Variants in GNAQ observed in about 807,000 individuals in gnomAD.
GNAQ encodes G protein subunit alpha q.
Under a neutral mutation model 43.9 loss-of-function variants are expected in GNAQ, and 8 were observed. The observed-to-expected ratio is 0.18, with a 90% CI of 0.11 to 0.33. GNAQ has a LOEUF of 0.33. Ranked by LOEUF, GNAQ falls within the 10% of genes least tolerant of loss-of-function variation. GNAQ has a pLI of 1.00. For synonymous variants in GNAQ, 155 were observed against 170.7 expected (o/e 0.91, Z 0.71); for missense variants, 158 against 450.8 (o/e 0.35, Z 5.88).
chr9:77,984,013 G>C (rs1420334715), intron 1 of GNAQ, among the ~76,000 whole-genome samples: 2 of 130,182 alleles, frequency 1.5e-5, no homozygotes, highest in Admixed American at 8.9e-5. Context: ...AGTCATCCTG[G>C]GTTTTTGCAG....
chr9:77,759,417 T>A (rs1259316917), intron 5 of GNAQ, among the ~76,000 whole-genome samples: 1 of 21,276 alleles, frequency 4.7e-5, no homozygotes, highest in Non-Finnish European at 1.8e-4. Flanking sequence ...CATAAGGCAT[T>A]TTTTTTCTGG....
chr9:77,753,621 A>G (rs995711365), intron 5 of GNAQ, among the ~76,000 whole-genome samples: 1 of 152,188 alleles, frequency 6.6e-6, no homozygotes, highest in African/African-American at 2.4e-5. Context: ...GATATGATTG[A>G]GGGTGACAGA....
chr9:77,795,298 T>A (rs1198737728), intron 4 of GNAQ, among the ~76,000 whole-genome samples: 1 of 152,220 alleles, frequency 6.6e-6, no homozygotes, highest in African/African-American at 2.4e-5. Context: ...ACATCAATTC[T>A]GTGCTGAATT....
At chr9:77,919,816 T>C (rs1412654628) in intron 2 of GNAQ, among the ~76,000 whole-genome samples, 3 of 152,134 alleles carry the variant, frequency 2.0e-5, no homozygotes, top group Admixed American at 6.6e-5. Flanking sequence ...TATAACTGAA[T>C]AGTATTCAAC....
At chr9:77,768,910 A>G (rs1389632646) in intron 5 of GNAQ, among the ~76,000 whole-genome samples, 1 of 152,180 alleles carries the variant, frequency 6.6e-6, no homozygotes. Context: ...TGAGTAGTAA[A>G]TTCTGAATAA....
At chr9:78,003,895 T>C (rs1823674501) in intron 1 of GNAQ, among the ~76,000 whole-genome samples, 1 of 150,956 alleles carries the variant, frequency 6.6e-6, no homozygotes, top group East Asian at 1.9e-4. Context: ...AAGTAGAAAG[T>C]ACCAACAATC....
intron 1 of GNAQ, among the ~76,000 whole-genome samples, chr9:77,935,040 A>T (rs1829210837): frequency 6.6e-6 from 1 of 152,082 alleles, no homozygotes; most frequent in Admixed American, 6.5e-5. Context: ...CAGGAGAATC[A>T]CTTGAACCCT....
At chr9:77,761,446 G>A (rs1392497302) in intron 5 of GNAQ, among the ~76,000 whole-genome samples, 1 of 135,716 alleles carries the variant, frequency 7.4e-6, no homozygotes, top group African/African-American at 2.8e-5. Flanking sequence ...CCGGGAGGGA[G>A]GTTGGGGGGT....
At chr9:77,948,485 T>C (rs1483714910) in intron 1 of GNAQ, among the ~76,000 whole-genome samples, 1 of 151,788 alleles carries the variant, frequency 6.6e-6, no homozygotes, top group Non-Finnish European at 1.5e-5. Flanking sequence ...GCGGTAGGGA[T>C]GGAAGAGGAC....
intron 6 of GNAQ, among the ~76,000 whole-genome samples, chr9:77,722,688 G>C (rs1348294455): frequency 8.0e-6 from 1 of 124,574 alleles, no homozygotes; most frequent in Admixed American, 9.1e-5. Context: ...ACAGGGTCTT[G>C]CTCTGCTACC....
At chr9:77,750,073 G>A (rs772125694) in intron 5 of GNAQ, among the ~76,000 whole-genome samples, 1 of 151,856 alleles carries the variant, frequency 6.6e-6, no homozygotes, top group African/African-American at 2.4e-5. Context: ...CTGCAGATGT[G>A]CTGATTGGCA....
At chr9:77,859,603 G>T (rs1389750368) in intron 2 of GNAQ, among the ~76,000 whole-genome samples, 1 of 152,178 alleles carries the variant, frequency 6.6e-6, no homozygotes, top group African/African-American at 2.4e-5. Flanking sequence ...CCAACTCTAA[G>T]CCCTGGTAAC....
At chr9:77,897,297 T>C (rs999661861) in intron 2 of GNAQ, among the ~76,000 whole-genome samples, 16 of 152,234 alleles carry the variant, frequency 1.1e-4, no homozygotes, top group Admixed American at 6.5e-4. Flanking sequence ...TTGAATGTTT[T>C]GTAATAATAA....
At chr9:77,951,000 T>C (rs1027763821) in intron 1 of GNAQ, among the ~76,000 whole-genome samples, 1 of 151,868 alleles carries the variant, frequency 6.6e-6, no homozygotes, top group African/African-American at 2.4e-5. Flanking sequence ...AAAAACACTA[T>C]GAGGCCAAGA....
At chr9:77,866,353 T>C (rs1827946697) in intron 2 of GNAQ, among the ~76,000 whole-genome samples, 1 of 152,168 alleles carries the variant, frequency 6.6e-6, no homozygotes, top group African/African-American at 2.4e-5. Context: ...GGCAGGTGCC[T>C]GTAATCCCAG....
chr9:77,961,597 A>AT (rs1376277445), intron 1 of GNAQ, among the ~76,000 whole-genome samples: 3 of 152,226 alleles, frequency 2.0e-5, no homozygotes, highest in African/African-American at 7.2e-5. Context: ...GTGAGTTTTC[A>AT]TAAGGGTATC....
At chr9:77,894,972 G>A (rs60697276) in intron 2 of GNAQ, among the ~76,000 whole-genome samples, 1 of 151,452 alleles carries the variant, frequency 6.6e-6, no homozygotes, top group East Asian at 2.0e-4. Context: ...GGCAGATCAC[G>A]AGGTCAGGAG....
At chr9:77,970,316 T>C (rs1302419210) in intron 1 of GNAQ, among the ~76,000 whole-genome samples, 3 of 152,110 alleles carry the variant, frequency 2.0e-5, no homozygotes, top group Non-Finnish European at 2.9e-5. Flanking sequence ...CAGTTCCACA[T>C]TGCAAACCTG....
At chr9:78,022,441 A>T (rs1204345335) in intron 1 of GNAQ, among the ~76,000 whole-genome samples, 1 of 152,246 alleles carries the variant, frequency 6.6e-6, no homozygotes. Context: ...GGGCAGGAAT[A>T]CTTCACCCCA....
Sources: gnomAD v4.1 joint callset for allele counts (sites outside exome capture counted in the v4.1 genomes callset) on GRCh38, gnomAD v4.1.1 for gene constraint, MANE v1.5 for transcripts, NCBI Gene and HGNC (gene_info 2026-07-23, HGNC 2026-07-21) for gene names.